Variants in CFAP92 observed in about 807,000 individuals in gnomAD.
The protein encoded by CFAP92 is uncharacterized protein CFAP92.
In CFAP92, 86 loss-of-function variants were observed where a neutral mutation model predicts 106.3. The observed-to-expected ratio is 0.81, with a 90% CI of 0.68 to 0.97. CFAP92 has a LOEUF of 0.97. Ranked by LOEUF, CFAP92 falls within the 50% of genes least tolerant of loss-of-function variation. CFAP92 has a pLI of 0.00. For missense variants in CFAP92, 1,204 were observed against 1,283.8 expected (o/e 0.94, Z 0.95); for synonymous variants, 477 against 506.4 (o/e 0.94, Z 0.78).
Position 128,975,833 on chromosome 3 carries a change from C to CAA in CFAP92, c.965_966dup (p.Glu323LeufsTer9). The CAA allele has an allele frequency of 6.2e-7, 1 of 1,609,198 alleles. No homozygotes were observed. Among genetic ancestry groups the CAA allele is most frequent in the Non-Finnish European group, 8.5e-7 (1 of 1,177,420 alleles). ...GTTAAGCTGCTAAGTGATTCACTCTCAATTAATTCCTTGATCTCCATCATG... is the reference window on the plus strand; with the variant it reads ...GTTAAGCTGCTAAGTGATTCACTCTCAAAATTAATTCCTTGATCTCCATCATG... On this transcript the variant is annotated frameshift_variant, in exon 7 of 16. Transcript: ENST00000645291. LOFTEE classifies it high-confidence loss of function.
rs151028989 is a variant in CFAP92 at position 128,943,458 on chromosome 3, A to G, written c.2258+1613T>C. Among the ~76,000 whole-genome samples, 4 of 152,196 alleles carry G rather than the reference A, an allele frequency of 2.6e-5. No homozygotes were observed. In the East Asian group the frequency reaches 7.7e-4, roughly 29 times the overall value. On this transcript the variant is annotated intron_variant, in intron 10 of 15. Coordinates refer to ENST00000645291, the MANE Select transcript of CFAP92 (RefSeq NM_001394090.1). ...CATTTCACAAACACAGAATCATACAATATGTGCCATTTTGTGTCTGGCTTC... is the reference window on the plus strand; with the variant it reads ...CATTTCACAAACACAGAATCATACAGTATGTGCCATTTTGTGTCTGGCTTC...
At chr3:129,008,015 G>A in the CFAP92 span, among the ~76,000 whole-genome samples, 2 of 152,220 alleles carry the variant, frequency 1.3e-5, no homozygotes, top group Admixed American at 1.3e-4. Flanking sequence ...GCTGTGAGCC[G>A]TCTTTGGCAG....
chr3:128,918,536 G>A (rs1937006762), intron 12 of CFAP92, among the ~76,000 whole-genome samples: 1 of 152,160 alleles, frequency 6.6e-6, no homozygotes, highest in Non-Finnish European at 1.5e-5. Flanking sequence ...GGAACATGCA[G>A]GAGGATTCAA....
At chr3:128,920,202 G>C (rs1299411382) in intron 12 of CFAP92, among the ~76,000 whole-genome samples, 2 of 152,210 alleles carry the variant, frequency 1.3e-5, no homozygotes, top group African/African-American at 2.4e-5. Context: ...TGAGGAGTTA[G>C]AGACCAGCCT....
intron 9 of CFAP92, among the ~76,000 whole-genome samples, chr3:128,958,535 T>C (rs185964801): frequency 5.3e-5 from 8 of 152,218 alleles, no homozygotes; most frequent in Non-Finnish European, 5.9e-5. Flanking sequence ...TTTGCAACTT[T>C]CCGTGAATCT....
chr3:129,002,121 G>C (rs1191096518), intron 1 of CFAP92: 1 of 1,475,944 alleles, frequency 6.8e-7, no homozygotes, highest in Non-Finnish European at 8.9e-7. Flanking sequence ...GCCCCGCGGC[G>C]CTCTCAGCGA....
upstream of CFAP92, among the ~76,000 whole-genome samples, chr3:128,997,340 C>T (rs1318635157): frequency 6.6e-6 from 1 of 152,162 alleles, no homozygotes; most frequent in Non-Finnish European, 1.5e-5. Flanking sequence ...TTAATAAAAT[C>T]CATCCATTTC....
rs1023068067 is a variant in CFAP92 at position 128,984,166 on chromosome 3, G to A, written c.667+3450C>T. On this transcript the variant is annotated intron_variant, in intron 4 of 15. Transcript: ENST00000645291. ...TGTCTTCATCCAGTCCTGAGAAATC[G>A]AGCAGACGAGCAGATTAAAGGGAAA... Among the ~76,000 whole-genome samples, 46 of 152,334 alleles carry A rather than the reference G, an allele frequency of 3.0e-4. 1 individual carries two copies. The highest frequency in any genetic ancestry group is 1.1e-3 in the African/African-American group (44 of 41,564).
intron 1 of CFAP92, chr3:129,001,563 C>T: frequency 1.5e-6 from 2 of 1,349,174 alleles, no homozygotes; most frequent in Non-Finnish European, 1.9e-6. Flanking sequence ...TCTGGGGCCG[C>T]CCCTGGAAGT....
intron 3 of CFAP92, 126 bp downstream of exon 3, chr3:128,988,602 T>TA: frequency 1.1e-6 from 1 of 938,892 alleles, no homozygotes; most frequent in South Asian, 1.7e-5. Context: ...ACTCAGGAGG[T>TA]GGGGCCCGGG....
chr3:128,945,040 T>C (rs1376408830), intron 10 of CFAP92, 31 bp downstream of exon 10: 24 of 1,472,468 alleles, frequency 1.6e-5, no homozygotes, highest in Admixed American at 2.3e-5. Context: ...ATGCCATCAT[T>C]TTTATGTAAA....
chr3:128,982,025 G>A (rs1943568103), intron 4 of CFAP92, among the ~76,000 whole-genome samples: 1 of 152,168 alleles, frequency 6.6e-6, no homozygotes. Flanking sequence ...AATGGTCAAT[G>A]AGCATTGGCC....
intron 4 of CFAP92, among the ~76,000 whole-genome samples, chr3:128,987,317 T>A (rs928970501): frequency 2.0e-5 from 3 of 152,124 alleles, no homozygotes; most frequent in African/African-American, 7.2e-5. Flanking sequence ...TTTGTTTTTT[T>A]TTTTCAGTGA....
chr3:128,940,996 C>T (rs1176080419), intron 10 of CFAP92, among the ~76,000 whole-genome samples: 1 of 152,022 alleles, frequency 6.6e-6, no homozygotes, highest in Admixed American at 6.6e-5. Flanking sequence ...ATCTATAGTT[C>T]AAATTTGAAG....
chr3:129,016,114 G>A, the CFAP92 span, among the ~76,000 whole-genome samples: 1 of 152,194 alleles, frequency 6.6e-6, no homozygotes, highest in African/African-American at 2.4e-5. Flanking sequence ...GGTGTAATGG[G>A]CTTTTGATGC....
At chr3:129,010,472 G>A in the CFAP92 span, among the ~76,000 whole-genome samples, 1 of 148,470 alleles carries the variant, frequency 6.7e-6, no homozygotes, top group Non-Finnish European at 1.5e-5. This position sits in a 1 kb window ranked among gnomAD's most constrained non-coding sequence, Gnocchi z 4.3. Flanking sequence ...CTCTGGCTTT[G>A]TTGTTGGGGG....
At position 128,962,500 on chromosome 3, in the gene CFAP92, A is replaced by G. The variant is rs529229894; in HGVS notation, c.1353+3011T>C. ...AACCAAATTATCTGCTTCCCTGACT[A>G]TTCCTGGACTACAGCTGCATCTCAT... On this transcript the variant is annotated intron_variant, in intron 9 of 15. Coordinates refer to ENST00000645291, the MANE Select transcript of CFAP92 (RefSeq NM_001394090.1). Among the ~76,000 whole-genome samples the G allele has an allele frequency of 2.9e-4, 44 of 152,146 alleles. 1 individual carries two copies. In the East Asian group the frequency reaches 7.3e-3, roughly 25 times the overall value.
At chr3:128,983,078 G>C (rs1026593330) in intron 4 of CFAP92, among the ~76,000 whole-genome samples, 3 of 152,144 alleles carry the variant, frequency 2.0e-5, no homozygotes, top group Admixed American at 6.5e-5. Context: ...CCTCCAATTT[G>C]GAAAACGCAT....
rs1240854171 is a variant in CFAP92 at position 128,979,713 on chromosome 3, C to T, written c.668-1528G>A. Among the ~76,000 whole-genome samples, 23 of 151,648 alleles carry T rather than the reference C, an allele frequency of 1.5e-4. No individual in the cohort carries two copies. In the East Asian group the frequency reaches 2.3e-3, roughly 15 times the overall value. On this transcript the variant is annotated intron_variant, in intron 4 of 15. Coordinates refer to ENST00000645291, the MANE Select transcript of CFAP92 (RefSeq NM_001394090.1). ...TCGGAAGGACAAAAAAACCAAACACCGCATGTTCTCACTCATAGGTGGGAA... is the reference window on the plus strand; with the variant it reads ...TCGGAAGGACAAAAAAACCAAACACTGCATGTTCTCACTCATAGGTGGGAA...
Sources: gnomAD v4.1 joint callset for allele counts (sites outside exome capture counted in the v4.1 genomes callset) on GRCh38, gnomAD v4.1.1 for gene constraint, Gnocchi (gnomAD v3.1) non-coding constraint, MANE v1.5 for transcripts, NCBI Gene and HGNC (gene_info 2026-07-23, HGNC 2026-07-21) for gene names.